The following TIMELESS variants were observed in gnomAD, a reference collection of about 807,000 sequenced individuals.
TIMELESS encodes timeless circadian regulator.
In TIMELESS, 124 loss-of-function variants were observed where a neutral mutation model predicts 164.3. That is an observed-to-expected ratio of 0.75 (90% CI 0.65 to 0.88). The LOEUF is 0.88. TIMELESS is among the 40% of genes least tolerant of loss of function. The pLI, the probability that TIMELESS is intolerant of heterozygous loss-of-function variation, is 0.00. For synonymous variants in TIMELESS, 564 were observed against 563.4 expected (o/e 1.00, Z -0.02); for missense variants, 1,422 against 1,491.4 (o/e 0.95, Z 0.77).
At chr12:56,446,541 T>C (rs1278076990) in intron 1 of TIMELESS, among the ~76,000 whole-genome samples, 1 of 151,996 alleles carries the variant, frequency 6.6e-6, no homozygotes, top group Non-Finnish European at 1.5e-5. Flanking sequence ...CTCTGAAGAC[T>C]CTGTGCAGGC....
chr12:56,444,533 T>C (rs1343742466), intron 1 of TIMELESS, among the ~76,000 whole-genome samples: 1 of 152,144 alleles, frequency 6.6e-6, no homozygotes, highest in Non-Finnish European at 1.5e-5. Flanking sequence ...CCATATATTA[T>C]GAGTTGCTCA....
At chr12:56,435,860 G>C (rs1167603875) in intron 1 of TIMELESS, among the ~76,000 whole-genome samples, 1 of 151,668 alleles carries the variant, frequency 6.6e-6, no homozygotes, top group Non-Finnish European at 1.5e-5. Context: ...TCAGGAGGCT[G>C]AGGCAGGAGA....
At position 56,431,368 on chromosome 12, in the gene TIMELESS, A is replaced by AC; in HGVS notation, c.821+102_821+103insG. The AC allele has an allele frequency of 1.4e-5, 20 of 1,407,488 alleles. No individual in the cohort carries two copies. The South Asian group carries it at 2.3e-4, about 16-fold the overall frequency. 87.2% of individuals were successfully genotyped at this position (1,407,488 alleles called of 1,614,324 possible). A position where few individuals can be genotyped will look rare whatever the true frequency, so the allele number is the denominator to read the frequency against. Reference sequence around the variant, plus strand: ...AAATTCTGTCTCAAAAAAAAAAAAAAAAAACACTAAAATGTTGTTCAATCA... The same window carrying AC: ...AAATTCTGTCTCAAAAAAAAAAAAAACAAAACACTAAAATGTTGTTCAATCA... On this transcript the variant is annotated intron_variant, in intron 8 of 28. Coordinates refer to ENST00000553532, the MANE Select transcript of TIMELESS (RefSeq NM_003920.5).
At chr12:56,420,445 C>T in intron 26 of TIMELESS, 124 bp downstream of exon 26, 3 of 765,340 alleles carry the variant, frequency 3.9e-6, no homozygotes, top group Admixed American at 5.0e-5. Flanking sequence ...GATGACAAGA[C>T]AATGAGAAGG....
Position 56,429,106 on chromosome 12 carries a change from A to G in TIMELESS, c.1087-6T>C, listed in dbSNP as rs1881781492. The G allele has an allele frequency of 6.2e-7, 1 of 1,609,388 alleles. No homozygotes were observed. The highest frequency in any genetic ancestry group is 8.5e-7 in the Non-Finnish European group (1 of 1,178,772). On this transcript the variant is annotated splice_region_variant and splice_polypyrimidine_tract_variant and intron_variant, in intron 10 of 28. Transcript: ENST00000553532. Reference sequence around the variant, plus strand: ...TTCTCCCGAAGCAGGTGATCCTGACATTTAAAAAAGAAAAAAAAAGATCAC... The same window carrying G: ...TTCTCCCGAAGCAGGTGATCCTGACGTTTAAAAAAGAAAAAAAAAGATCAC...
chr12:56,432,930 G>A lies in TIMELESS; in HGVS notation c.531+96C>T, dbSNP rs1292032578. On this transcript the variant is annotated intron_variant, in intron 6 of 28. Transcript: ENST00000553532. ...AGATCGCACCACTGCACTCCAGCCT[G>A]GCGACAGAGAGAGACTCCGTCTCAA... 7.8e-6 allele frequency: 7 copies of A among 902,304 alleles called. No individual in the cohort carries two copies. In the Admixed American group the frequency reaches 1.6e-4, roughly 21 times the overall value. 55.9% of individuals were successfully genotyped at this position (902,304 alleles called of 1,614,324 possible).
At chr12:56,418,992 C>G (rs1881364197) in intron 26 of TIMELESS, among the ~76,000 whole-genome samples, 1 of 148,364 alleles carries the variant, frequency 6.7e-6, no homozygotes, top group African/African-American at 2.4e-5. Context: ...ACTGTAGTAT[C>G]ACAGGATTTT....
chr12:56,431,354 C>CAA (rs11366728), intron 8 of TIMELESS, 117 bp downstream of exon 8: 10,148 of 812,430 alleles, frequency 0.012, 1 homozygote, highest in Non-Finnish European at 0.013. Flanking sequence ...AATTCTGTCT[C>CAA]AAAAAAAAAA....
chr12:56,431,670 T>G, intron 7 of TIMELESS, 66 bp from the exon 8 acceptor site: 3 of 1,565,408 alleles, frequency 1.9e-6, no homozygotes, highest in Non-Finnish European at 2.6e-6. Context: ...TCACGCCTAC[T>G]GGGGATGCAA....
In TIMELESS at chr12:56,428,223, G is replaced by C; in HGVS notation, c.1578+13C>G. The C allele has an allele frequency of 1.3e-6, 2 of 1,574,642 alleles. No individual in the cohort carries two copies. The highest frequency in any genetic ancestry group is 1.7e-6 in the Non-Finnish European group (2 of 1,157,836). Reference sequence around the variant, plus strand: ...CCTTACAGCTCTTTCTACATTGTGGGGCTGCCCAGTACCTGCACCACCAGG... The same window carrying C: ...CCTTACAGCTCTTTCTACATTGTGGCGCTGCCCAGTACCTGCACCACCAGG... On this transcript the variant is annotated intron_variant, in intron 13 of 28. Coordinates refer to ENST00000553532, the MANE Select transcript of TIMELESS (RefSeq NM_003920.5).
intron 1 of TIMELESS, among the ~76,000 whole-genome samples, chr12:56,442,572 G>A (rs187708873): frequency 1.3e-5 from 2 of 152,098 alleles, no homozygotes; most frequent in Admixed American, 6.6e-5. Context: ...CCATTTTCCC[G>A]TGTGGCCTCT....
chr12:56,425,506 G>T (rs1881648458), intron 13 of TIMELESS, among the ~76,000 whole-genome samples: 1 of 152,204 alleles, frequency 6.6e-6, no homozygotes, highest in East Asian at 1.9e-4. Context: ...ATGCTATGAG[G>T]ATCAAATAAG....
chr12:56,435,872 T>C (rs1006079092), intron 1 of TIMELESS, among the ~76,000 whole-genome samples: 5 of 148,728 alleles, frequency 3.4e-5, no homozygotes, highest in Non-Finnish European at 7.4e-5. Flanking sequence ...GGCAGGAGAA[T>C]GGAGTGAACC....
Position 56,423,790 on chromosome 12 carries a change from GACTC to G in TIMELESS, c.1966+3_1966+6del. 1 of 1,614,158 alleles carries G rather than the reference GACTC, an allele frequency of 6.2e-7. No homozygotes were observed. On this transcript the variant is annotated splice_donor_5th_base_variant and intron_variant, in intron 16 of 28. Coordinates refer to ENST00000553532, the MANE Select transcript of TIMELESS (RefSeq NM_003920.5). ...GAAGGAGACAGATGTGAAGGGTGGA[GACTC>G]ACGGGGAAGTGGAGCAGAGAGGATT...
intron 1 of TIMELESS, among the ~76,000 whole-genome samples, chr12:56,442,826 G>A (rs998294050): frequency 2.6e-5 from 4 of 152,150 alleles, no homozygotes; most frequent in Non-Finnish European, 4.4e-5. Flanking sequence ...ACATTTATTA[G>A]TTCCCCAAAT....
chr12:56,421,499 A>T lies in TIMELESS; in HGVS notation c.2726-6T>A, dbSNP rs1881488955. 1.9e-6 allele frequency: 3 copies of T among 1,605,714 alleles called. No individual in the cohort carries two copies. In the African/African-American group the frequency reaches 4.0e-5, roughly 22 times the overall value. ...CATGATATGACCCAGGACATCTATA[A>T]AAAGCAAGCATGTGAATACCCAAGG... On this transcript the variant is annotated splice_region_variant and splice_polypyrimidine_tract_variant and intron_variant, in intron 22 of 28. Coordinates refer to ENST00000553532, the MANE Select transcript of TIMELESS (RefSeq NM_003920.5).
intron 26 of TIMELESS, 44 bp downstream of exon 26, chr12:56,420,525 T>C (rs1214730726): frequency 1.2e-5 from 18 of 1,519,810 alleles, no homozygotes; most frequent in Non-Finnish European, 1.6e-5. Flanking sequence ...TATTTGGAAA[T>C]AGGACTAACA....
chr12:56,428,970 C>T lies in TIMELESS; in HGVS notation c.1217G>A (p.Arg406His), dbSNP rs759756722. ...PGLVSETLSV[R>H]TFHFIEQNLT... Reference sequence around the variant, plus strand: ...GTTCTGCTCAATGAAGTGGAAGGTACGGACACTGAGGGTCTCAGAAACCAG... The same window carrying T: ...GTTCTGCTCAATGAAGTGGAAGGTATGGACACTGAGGGTCTCAGAAACCAG... The change falls in exon 11 of 29, where the codon CGT becomes CAT. Residue 406 changes from arginine (R) to histidine (H), a missense_variant. Arg to His is a conservative substitution (Grantham distance 29). Transcript: ENST00000553532. 9 of 1,614,018 alleles carry T rather than the reference C, an allele frequency of 5.6e-6. No homozygotes were observed. The highest frequency in any genetic ancestry group is 3.3e-5 in the South Asian group (3 of 91,086).
chr12:56,424,639 G>T, intron 15 of TIMELESS, 123 bp downstream of exon 15: 1 of 1,221,730 alleles, frequency 8.2e-7, no homozygotes, highest in Non-Finnish European at 1.1e-6. Context: ...CCAGGAGTCA[G>T]TTGGTATACA....
Sources: allele counts gnomAD v4.1 joint callset (sites outside exome capture counted in the v4.1 genomes callset), GRCh38; gene constraint gnomAD v4.1.1; transcripts MANE v1.5; gene names NCBI Gene and HGNC (gene_info 2026-07-23, HGNC 2026-07-21).